HOXC4: variants seen among roughly 807,000 people sequenced by gnomAD.
HOXC4 encodes the protein homeobox protein Hox-C4.
A neutral mutation model predicts 25.5 loss-of-function variants in HOXC4; 15 were observed. The ratio of observed to expected loss-of-function variants is 0.59; its 90% CI spans 0.39 to 0.91. The LOEUF is 0.91. Among genes scored for constraint, HOXC4 ranks in the 40% least tolerant of loss-of-function variants. The pLI, the probability that HOXC4 is intolerant of heterozygous loss-of-function variation, is 0.00. For synonymous variants in HOXC4, 165 were observed against 148.0 expected (o/e 1.11, Z -0.83); for missense variants, 342 against 352.4 (o/e 0.97, Z 0.24).
At chr12:54,048,001 C>T (rs1937756854) in intron 1 of HOXC4, 1 of 152,114 alleles carries the variant, frequency 6.6e-6, no homozygotes, top group African/African-American at 2.4e-5. Flanking sequence ...GTTTCAGGCA[C>T]TAAGAAATCT....
chr12:54,053,936 C>T lies in HOXC4; in HGVS notation c.14C>T (p.Ser5Leu). The T allele has an allele frequency of 1.9e-6, 3 of 1,605,868 alleles. No individual in the cohort carries two copies. Among genetic ancestry groups the T allele is most frequent in the Non-Finnish European group, 1.7e-6 (2 of 1,173,060 alleles). Residue 5 changes from serine to leucine, a missense_variant, in exon 1 of 2, where the codon TCG becomes TTG. Physicochemically the swap from Ser to Leu is moderately radical, Grantham distance 145. Transcript: ENST00000430889. MIMSSYLMDSNYIDP... is the reference protein window; with the variant it reads MIMSLYLMDSNYIDP... ...CTCCAGAAATTAATGATCATGAGCTCGTATTTGATGGACTCTAACTACATC... is the reference window on the plus strand; with the variant it reads ...CTCCAGAAATTAATGATCATGAGCTTGTATTTGATGGACTCTAACTACATC...
At chr12:54,022,937 C>T (rs1046835672) in intron 1 of HOXC4, among the ~76,000 whole-genome samples, 4 of 152,150 alleles carry the variant, frequency 2.6e-5, no homozygotes, top group Non-Finnish European at 4.4e-5. Flanking sequence ...CCCCCTATTG[C>T]GGCTTCTTCC....
intron 1 of HOXC4, among the ~76,000 whole-genome samples, chr12:54,027,788 G>A (rs953567489): frequency 3.9e-5 from 6 of 152,128 alleles, no homozygotes; most frequent in Non-Finnish European, 8.8e-5. Flanking sequence ...ACTGTACCCT[G>A]AAGTCTTGCC....
intron 1 of HOXC4, chr12:54,034,557 C>A: frequency 7.4e-7 from 1 of 1,354,658 alleles, no homozygotes; most frequent in Non-Finnish European, 1.0e-6. Flanking sequence ...CTTTCCTTTT[C>A]GCCTTTCCTC....
At chr12:54,026,976 GA>G (rs1169653867) in intron 1 of HOXC4, among the ~76,000 whole-genome samples, 1 of 143,184 alleles carries the variant, frequency 7.0e-6, no homozygotes, top group African/African-American at 2.6e-5. Context: ...GGGGGGGGGG[GA>G]TATGAGCTTT....
At chr12:54,054,428 G>A in intron 1 of HOXC4, 67 bp downstream of exon 1, 1 of 979,974 alleles carries the variant, frequency 1.0e-6, no homozygotes, top group South Asian at 1.7e-5. Flanking sequence ...ACCCTCCTCG[G>A]CCCCCTCTGG....
intron 1 of HOXC4, chr12:54,028,500 C>G: frequency 6.2e-7 from 1 of 1,607,594 alleles, no homozygotes; most frequent in South Asian, 1.1e-5. Context: ...AAATCATAGA[C>G]CGACCAGGTA....
upstream of HOXC4, chr12:54,053,728 CCA>C (rs1359663014): frequency 1.8e-5 from 10 of 557,046 alleles, no homozygotes; most frequent in Non-Finnish European, 2.9e-5. Flanking sequence ...ACCACCACCA[CCA>C]CACACACAAA....
At chr12:54,033,012 C>T (rs1941044924) in intron 1 of HOXC4, 1 of 796,918 alleles carries the variant, frequency 1.3e-6, no homozygotes, top group South Asian at 1.8e-5. Flanking sequence ...AAAGAGATAT[C>T]TCCACCTATA....
At chr12:54,019,043 T>G (rs1940300199) in intron 1 of HOXC4, among the ~76,000 whole-genome samples, 2 of 152,050 alleles carry the variant, frequency 1.3e-5, no homozygotes, top group African/African-American at 4.8e-5. Context: ...TGACGGTGAA[T>G]TTTATCTCCC....
chr12:54,026,942 C>CA (rs1940734110), intron 1 of HOXC4, among the ~76,000 whole-genome samples: 1 of 140,020 alleles, frequency 7.1e-6, no homozygotes, highest in Non-Finnish European at 1.5e-5. Flanking sequence ...GCTTTCCCCC[C>CA]CCCCAACCCA....
chr12:54,036,447 T>G (rs1194893733), intron 1 of HOXC4, among the ~76,000 whole-genome samples: 2 of 152,156 alleles, frequency 1.3e-5, no homozygotes, highest in Non-Finnish European at 2.9e-5. Flanking sequence ...TTGGATTTAT[T>G]ATAAGGACTA....
At chr12:54,018,857 A>G (rs1592219313) in intron 1 of HOXC4, among the ~76,000 whole-genome samples, 1 of 152,176 alleles carries the variant, frequency 6.6e-6, no homozygotes, top group East Asian at 1.9e-4. Context: ...ACCCTCTCCC[A>G]GAGGCGCGAC....
At chr12:54,041,475 A>G (rs1941271288) in intron 1 of HOXC4, among the ~76,000 whole-genome samples, 1 of 152,206 alleles carries the variant, frequency 6.6e-6, no homozygotes, top group Admixed American at 6.5e-5. Flanking sequence ...TGGGGGCATT[A>G]AGAGTACAAG....
chr12:54,055,678 CA>C lies in HOXC4; in HGVS notation c.*474del, dbSNP rs1258387147. On this transcript the variant is annotated 3_prime_UTR_variant, in exon 2 of 2. Transcript: ENST00000430889. The stretch of plus-strand genomic sequence containing the variant: ...TAGGCCTTTTGCATTGAAAATGCAC[CA>C]GGGGAGGTTAGTGAGGGGGAAGTCA... 6.6e-6 allele frequency: 1 copy of C among 152,142 alleles called. No individual in the cohort carries two copies. Among genetic ancestry groups the C allele is most frequent in the Non-Finnish European group, 1.5e-5 (1 of 67,960 alleles). The allele number at this position is 152,142 out of a possible 1,614,324, so 9.4% of individuals were successfully genotyped here.
At chr12:54,028,728 G>C in intron 1 of HOXC4, 1 of 1,614,130 alleles carries the variant, frequency 6.2e-7, no homozygotes, top group Non-Finnish European at 8.5e-7. Flanking sequence ...GCCGGGGGCC[G>C]TATGACTATG....
chr12:54,029,803 A>G, intron 1 of HOXC4: 1 of 1,614,046 alleles, frequency 6.2e-7, no homozygotes. Context: ...TGACCGAGCG[A>G]CAGATCAAAA....
chr12:54,033,880 G>A, intron 1 of HOXC4: 1 of 487,810 alleles, frequency 2.0e-6, no homozygotes. Context: ...GGATCCCCCC[G>A]CGGCTCCCTC....
At chr12:54,052,241 A>C (rs1937862444), upstream of HOXC4, among the ~76,000 whole-genome samples, 1 of 152,230 alleles carries the variant, frequency 6.6e-6, no homozygotes, top group Non-Finnish European at 1.5e-5. Context: ...CCGCCGACAC[A>C]AAGAGTGCGG....
Sources: allele counts gnomAD v4.1 joint callset (sites outside exome capture counted in the v4.1 genomes callset), GRCh38; gene constraint gnomAD v4.1.1; transcripts MANE v1.5; gene names NCBI Gene and HGNC (gene_info 2026-07-23, HGNC 2026-07-21).